The following RARB variants were observed in gnomAD, a reference collection of about 807,000 sequenced individuals.
RARB encodes HBV-activated protein.
Under a neutral mutation model 51.9 loss-of-function variants are expected in RARB, and 17 were observed. That is an observed-to-expected ratio of 0.33 (90% CI 0.22 to 0.49). The LOEUF is 0.49. RARB is among the 20% of genes least tolerant of loss of function. RARB has a pLI of 0.99. For missense variants in RARB, 369 were observed against 550.8 expected, an observed-to-expected ratio of 0.67 and a Z score of 3.30; for synonymous variants, 215 against 195.4, an observed-to-expected ratio of 1.10 and a Z score of -0.84.
chr3:24,919,171 C>T (rs184049763), intron 2 of RARB, among the ~76,000 whole-genome samples: 1 of 152,186 alleles, frequency 6.6e-6, no homozygotes, highest in African/African-American at 2.4e-5. Context: ...TCAACTCCTA[C>T]TACTATGATA....
intron 5 of RARB, among the ~76,000 whole-genome samples, chr3:25,279,544 C>G (rs772146069): frequency 2.7e-5 from 4 of 149,710 alleles, no homozygotes; most frequent in African/African-American, 7.4e-5. Context: ...GATTCCAAAG[C>G]AAATCTAGGG....
At chr3:25,442,116 T>TTTTATTTATTTATTTA (rs148774111) in intron 1 of RARB, among the ~76,000 whole-genome samples, 3,451 of 147,796 alleles carry the variant, frequency 0.023, 76 homozygotes, top group African/African-American at 0.054. Context: ...TTTATTTTAT[T>TTTTATTTATTTATTTA]TTTATTTATT....
intron 2 of RARB, among the ~76,000 whole-genome samples, chr3:24,979,499 C>T (rs1319492091): frequency 6.6e-6 from 1 of 151,962 alleles, no homozygotes; most frequent in Non-Finnish European, 1.5e-5. Flanking sequence ...TAATAGTCTT[C>T]TTTGTCTGTT....
chr3:25,346,355 T>A (rs1464194503), intron 5 of RARB, among the ~76,000 whole-genome samples: 2 of 152,228 alleles, frequency 1.3e-5, no homozygotes, highest in African/African-American at 4.8e-5. Context: ...GTTATTGTAT[T>A]TGTGTCTTTT....
At chr3:25,410,075 C>T (rs961016580) in intron 5 of RARB, among the ~76,000 whole-genome samples, 1 of 152,152 alleles carries the variant, frequency 6.6e-6, no homozygotes, top group African/African-American at 2.4e-5. Flanking sequence ...GCCTATAATC[C>T]GTTCATCATT....
At chr3:25,278,817 G>A (rs965509869) in intron 5 of RARB, among the ~76,000 whole-genome samples, 2 of 152,186 alleles carry the variant, frequency 1.3e-5, no homozygotes, top group African/African-American at 4.8e-5. Context: ...ACTACTAAAG[G>A]ATAACACAAA....
intron 5 of RARB, among the ~76,000 whole-genome samples, chr3:25,310,790 A>G (rs1344078394): frequency 1.3e-5 from 2 of 152,140 alleles, no homozygotes; most frequent in East Asian, 3.9e-4. Context: ...ATGTTTTTGG[A>G]AACAGCATGT....
In RARB at chr3:25,237,518, C is replaced by T. The variant is rs115208847; in HGVS notation, c.178+62943C>T. On this transcript the variant is annotated intron_variant, in intron 5 of 11. Coordinates refer to the RARB transcript ENST00000383772. ...AGATAATATTTGTTTTTTAAAAAAGCCACCCTCCAAAAATATAATGTAAAA... is the reference window on the plus strand; with the variant it reads ...AGATAATATTTGTTTTTTAAAAAAGTCACCCTCCAAAAATATAATGTAAAA... 2.4e-3 allele frequency among the ~76,000 whole-genome samples: 365 copies of T among 152,076 alleles called. 1 individual carries two copies. Among genetic ancestry groups the T allele is most frequent in the African/African-American group, 7.9e-3 (330 of 41,510 alleles).
At chr3:25,222,365 A>G (rs1575231683) in intron 5 of RARB, among the ~76,000 whole-genome samples, 1 of 152,210 alleles carries the variant, frequency 6.6e-6, no homozygotes, top group Non-Finnish European at 1.5e-5. Flanking sequence ...TACTCGTCCA[A>G]GGATGTTTGA....
intron 3 of RARB, among the ~76,000 whole-genome samples, chr3:25,127,605 G>A (rs575034137): frequency 6.6e-6 from 1 of 152,046 alleles, no homozygotes; most frequent in Non-Finnish European, 1.5e-5. Context: ...CTCCACAGGG[G>A]CTCCATGTTT....
chr3:24,934,401 G>A (rs936070093), intron 2 of RARB, among the ~76,000 whole-genome samples: 3 of 152,070 alleles, frequency 2.0e-5, no homozygotes, highest in Admixed American at 1.3e-4. Flanking sequence ...GTACTGTTCA[G>A]ATGACTTCGA....
chr3:25,103,136 GT>G, intron 3 of RARB, among the ~76,000 whole-genome samples: 1 of 152,280 alleles, frequency 6.6e-6, no homozygotes, highest in East Asian at 1.9e-4. Flanking sequence ...GCTAAAAGGA[GT>G]TGCCAGGATC....
intron 5 of RARB, among the ~76,000 whole-genome samples, chr3:25,286,547 T>C (rs1703661972): frequency 6.6e-6 from 1 of 152,212 alleles, no homozygotes; most frequent in African/African-American, 2.4e-5. Context: ...TTGACTTCAT[T>C]CATCATTATA....
chr3:25,592,952 T>C lies in RARB; in HGVS notation c.787-551T>C, dbSNP rs927947772. 4.6e-5 allele frequency among the ~76,000 whole-genome samples: 7 copies of C among 152,214 alleles called. 1 individual carries two copies. The highest frequency in any genetic ancestry group is 1.7e-4 in the African/African-American group (7 of 41,460). On this transcript the variant is annotated intron_variant, in intron 5 of 7. Transcript: ENST00000330688. ...GAGCCTAACTTGGGTTTGAGTCAGA[T>C]TCAGTTACATGTTAACTATGTGACA...
At chr3:24,957,303 G>A (rs1016942179) in intron 2 of RARB, among the ~76,000 whole-genome samples, 3 of 152,156 alleles carry the variant, frequency 2.0e-5, no homozygotes, top group African/African-American at 7.2e-5. Flanking sequence ...GACCCCCAAA[G>A]TATTTTGTCC....
At chr3:25,584,994 A>G (rs1031732873) in intron 5 of RARB, among the ~76,000 whole-genome samples, 2 of 150,540 alleles carry the variant, frequency 1.3e-5, no homozygotes, top group African/African-American at 5.0e-5. Flanking sequence ...CTCCACATAG[A>G]TCCTGCTTTC....
intron 3 of RARB, among the ~76,000 whole-genome samples, chr3:25,503,504 G>C (rs1227812077): frequency 6.6e-6 from 1 of 152,070 alleles, no homozygotes; most frequent in African/African-American, 2.4e-5. Context: ...AAAACTGGCA[G>C]CTTGGTTGGC....
intron 5 of RARB, among the ~76,000 whole-genome samples, chr3:25,321,647 G>A (rs973115285): frequency 6.6e-6 from 1 of 152,004 alleles, no homozygotes; most frequent in East Asian, 1.9e-4. Flanking sequence ...AATCTGGGAG[G>A]CAAAGGTTGC....
At chr3:25,000,540 T>G (rs1263727229) in intron 2 of RARB, among the ~76,000 whole-genome samples, 1 of 152,188 alleles carries the variant, frequency 6.6e-6, no homozygotes, top group East Asian at 1.9e-4. Flanking sequence ...TTTAAAATCA[T>G]ATTACCCTTA....
Sources: allele counts gnomAD v4.1 joint callset (sites outside exome capture counted in the v4.1 genomes callset), GRCh38; gene constraint gnomAD v4.1.1; transcripts MANE v1.5; gene names NCBI Gene and HGNC (gene_info 2026-07-23, HGNC 2026-07-21).